Variants in PHEX observed in about 807,000 individuals in gnomAD.
PHEX encodes the protein phosphate-regulating neutral endopeptidase PHEX.
In PHEX, 16 loss-of-function variants were observed where a neutral mutation model predicts 68.0. That is an observed-to-expected ratio of 0.24 (90% CI 0.16 to 0.36). The LOEUF (loss-of-function observed/expected upper bound fraction) is 0.36. Ranked by LOEUF, PHEX falls within the 10% of genes least tolerant of loss-of-function variation. PHEX has a pLI of 1.00. For synonymous variants in PHEX, 208 were observed against 205.1 expected, an observed-to-expected ratio of 1.01 and a Z score of -0.12; for missense variants, 480 against 575.5, an observed-to-expected ratio of 0.83 and a Z score of 1.70.
chrX:22,050,615 G>A (rs1480779304), intron 3 of PHEX, among the ~76,000 whole-genome samples: 3 of 107,601 alleles, frequency 2.8e-5, no homozygotes, highest in South Asian at 4.1e-4. Context: ...TGAAATAATA[G>A]CAATGATAAT....
chrX:22,137,238 A>G (rs905430481), intron 12 of PHEX, among the ~76,000 whole-genome samples: 8 of 111,638 alleles, frequency 7.2e-5, no homozygotes, highest in Non-Finnish European at 1.3e-4. Flanking sequence ...ATTTGACTAT[A>G]TAGCCAAAAA....
At chrX:22,113,005 T>TTG (rs560422828) in intron 10 of PHEX, among the ~76,000 whole-genome samples, 6,049 of 88,116 alleles carry the variant, frequency 0.069, 93 homozygotes, top group Non-Finnish European at 0.097. Flanking sequence ...CAAGTAGGTT[T>TTG]TGTGTGTGTG....
chrX:22,250,265 G>A lies in PHEX; in HGVS notation c.*2312G>A, dbSNP rs1936531874. 1.8e-5 allele frequency: 2 copies of A among 111,663 alleles called. No homozygotes were observed. Among genetic ancestry groups the A allele is most frequent in the African/African-American group, 6.5e-5 (2 of 30,704 alleles). The allele number at this position is 111,663 out of a possible 1,213,427, so 9.2% of individuals were successfully genotyped here. ...CTTTCTCTTGGATACCGATTGCTAAGATAAACAGACACTGATTAAGTGGTA... is the reference window on the plus strand; with the variant it reads ...CTTTCTCTTGGATACCGATTGCTAAAATAAACAGACACTGATTAAGTGGTA... On this transcript the variant is annotated 3_prime_UTR_variant, in exon 22 of 22. Coordinates refer to ENST00000379374, the MANE Select transcript of PHEX (RefSeq NM_000444.6).
Position 22,249,455 on chromosome X carries a change from A to AAAATATATATATATATATATATAT in PHEX, c.*1503_*1504insAATATATATATATATATATATATA. Reference sequence around the variant, plus strand: ...TTGTGATTCTTTTAAAAAAAAAAAAAATATATATATATATATATATATATA... The same window carrying AAAATATATATATATATATATATAT: ...TTGTGATTCTTTTAAAAAAAAAAAAAAAATATATATATATATATATATATATATATATATATATATATATATATA... On this transcript the variant is annotated 3_prime_UTR_variant, in exon 22 of 22. Coordinates refer to ENST00000379374, the MANE Select transcript of PHEX (RefSeq NM_000444.6). 7.5e-5 allele frequency: 3 copies of AAAATATATATATATATATATATAT among 39,756 alleles called. No homozygotes were observed. The highest frequency in any genetic ancestry group is 3.3e-4 in the African/African-American group (2 of 6,015). The allele number at this position is 39,756 out of a possible 1,213,427, so 3.3% of individuals were successfully genotyped here.
At chrX:22,229,361 G>C (rs1043202162) in intron 20 of PHEX, among the ~76,000 whole-genome samples, 2 of 112,047 alleles carry the variant, frequency 1.8e-5, no homozygotes, top group African/African-American at 6.5e-5. Flanking sequence ...CCCACCAACA[G>C]TGTAAAAGTG....
chrX:22,100,338 T>C (rs1394118549), intron 9 of PHEX, among the ~76,000 whole-genome samples: 1 of 112,004 alleles, frequency 8.9e-6, no homozygotes, highest in Non-Finnish European at 1.9e-5. Flanking sequence ...AAGAATCTTA[T>C]GATTAACTTT....
At chrX:22,066,100 G>A (rs946733861) in intron 3 of PHEX, among the ~76,000 whole-genome samples, 2 of 112,222 alleles carry the variant, frequency 1.8e-5, no homozygotes, top group Non-Finnish European at 3.8e-5. Context: ...GGGGGCCAGA[G>A]CATACAGGCT....
At chrX:22,124,353 C>T (rs778287221) in intron 11 of PHEX, among the ~76,000 whole-genome samples, 1 of 112,392 alleles carries the variant, frequency 8.9e-6, no homozygotes, top group South Asian at 3.7e-4. Context: ...ACGACGATGA[C>T]ACATTGGCTC....
chrX:22,112,967 G>T (rs779024687), intron 10 of PHEX, among the ~76,000 whole-genome samples: 1 of 107,109 alleles, frequency 9.3e-6, no homozygotes, highest in African/African-American at 3.4e-5. Flanking sequence ...TATATATTTA[G>T]GTCATATTGA....
chrX:22,056,014 T>C (rs933343179), intron 3 of PHEX, among the ~76,000 whole-genome samples: 2 of 112,516 alleles, frequency 1.8e-5, no homozygotes, highest in African/African-American at 6.5e-5. Context: ...CTACTACAAA[T>C]AAGTTGGGTA....
chrX:22,104,249 A>G (rs1396282031), intron 9 of PHEX, among the ~76,000 whole-genome samples: 1 of 111,051 alleles, frequency 9.0e-6, no homozygotes, highest in East Asian at 2.8e-4. Context: ...TCTCTGACTG[A>G]GTGGCTGTGG....
In PHEX at chrX:22,071,953, G is replaced by A. The variant is rs923614626; in HGVS notation, c.350-4435G>A. Among the ~76,000 whole-genome samples, 26 of 111,929 alleles carry A rather than the reference G, an allele frequency of 2.3e-4. 1 individual carries two copies. Among genetic ancestry groups the A allele is most frequent in the African/African-American group, 7.8e-4 (24 of 30,831 alleles). On this transcript the variant is annotated intron_variant, in intron 3 of 21. Coordinates refer to ENST00000379374, the MANE Select transcript of PHEX (RefSeq NM_000444.6). ...TCTCTACTAAAAATACAGGCTGGGCGCGGTGGCTCATGCCTGTAATCCCAG... is the reference window on the plus strand; with the variant it reads ...TCTCTACTAAAAATACAGGCTGGGCACGGTGGCTCATGCCTGTAATCCCAG...
intron 12 of PHEX, among the ~76,000 whole-genome samples, chrX:22,138,956 G>A (rs1289442336): frequency 1.8e-5 from 2 of 111,420 alleles, no homozygotes; most frequent in Non-Finnish European, 3.8e-5. Context: ...CAAGATGGCG[G>A]CCTTCATACT....
chrX:22,052,308 A>T (rs988055185), intron 3 of PHEX, among the ~76,000 whole-genome samples: 1 of 112,239 alleles, frequency 8.9e-6, no homozygotes, highest in Non-Finnish European at 1.9e-5. Flanking sequence ...GCTCACTGCA[A>T]CCTCTGCCTT....
intron 12 of PHEX, among the ~76,000 whole-genome samples, chrX:22,146,217 A>AT (rs1204005594): frequency 8.9e-6 from 1 of 112,173 alleles, no homozygotes; most frequent in Non-Finnish European, 1.9e-5. Flanking sequence ...CAGTATATTG[A>AT]TTTTTTTCTG....
chrX:22,101,375 C>A (rs956650233), intron 9 of PHEX, among the ~76,000 whole-genome samples: 9 of 111,798 alleles, frequency 8.1e-5, no homozygotes, highest in Admixed American at 7.6e-4. Context: ...CGTGTTTAAT[C>A]ACCACTCGTG....
At chrX:22,245,506 GA>G in intron 21 of PHEX, 97 bp downstream of exon 21, 1 of 614,871 alleles carries the variant, frequency 1.6e-6, no homozygotes, top group Non-Finnish European at 2.8e-6. Flanking sequence ...TAGGTGATCT[GA>G]AAAAAATCCC....
intron 11 of PHEX, among the ~76,000 whole-genome samples, chrX:22,116,202 A>T (rs939218065): frequency 1.6e-3 from 174 of 111,669 alleles, no homozygotes; most frequent in African/African-American, 5.3e-3. Flanking sequence ...CATTTCCCTG[A>T]TGATTAGTGA....
At chrX:22,224,997 G>GCGCTGTATGATTTATTATCATA (rs1935442243) in intron 18 of PHEX, among the ~76,000 whole-genome samples, 1 of 2,912 alleles carries the variant, frequency 3.4e-4, no homozygotes, top group Non-Finnish European at 7.6e-4. Context: ...CTGTATGTCA[G>GCGCTGTATGATTTATTATCATA]AAGTCTGACA....
Sources: gnomAD v4.1 joint callset for allele counts (sites outside exome capture counted in the v4.1 genomes callset) on GRCh38, gnomAD v4.1.1 for gene constraint, MANE v1.5 for transcripts, NCBI Gene and HGNC (gene_info 2026-07-23, HGNC 2026-07-21) for gene names.